Variants in NDUFV3 observed in about 807,000 individuals in gnomAD.
The protein encoded by NDUFV3 is NADH dehydrogenase [ubiquinone] flavoprotein 3, mitochondrial.
In NDUFV3, 44 loss-of-function variants were observed where a neutral mutation model predicts 37.5. The ratio of observed to expected loss-of-function variants is 1.17; its 90% CI spans 0.92 to 1.51. NDUFV3 has a LOEUF of 1.51. Ranked by LOEUF, NDUFV3 falls within the 40% of genes most tolerant of loss-of-function variation. The pLI, the probability that NDUFV3 is intolerant of heterozygous loss-of-function variation, is 0.00. For synonymous variants in NDUFV3, 235 were observed against 239.3 expected (o/e 0.98, Z 0.17); for missense variants, 580 against 580.4 (o/e 1.00, Z 0.01).
At chr21:42,894,464 A>AATATATAT (rs538687479) in intron 1 of NDUFV3, among the ~76,000 whole-genome samples, 2 of 50,234 alleles carry the variant, frequency 4.0e-5, no homozygotes, top group African/African-American at 2.8e-4. Flanking sequence ...ATGTTTATAT[A>AATATATAT]AATATATATT....
rs764450465 is a variant in NDUFV3 at position 42,908,942 on chromosome 21, CCTT to C, written c.1347_1349del (p.Phe449del). The C allele has an allele frequency of 8.7e-6, 14 of 1,613,914 alleles. No individual in the cohort carries two copies. Among genetic ancestry groups the C allele is most frequent in the Non-Finnish European group, 1.2e-5 (14 of 1,179,992 alleles). On this transcript the variant is annotated inframe_deletion, in exon 4 of 4. Transcript: ENST00000354250. The stretch of plus-strand genomic sequence containing the variant: ...CAGCATCATGACTACAGCACGTACA[CCTT>C]CTTAGACCTCAACCTCGAACTCTCA...
At chr21:42,907,977 T>G (rs2058749259) in intron 3 of NDUFV3, among the ~76,000 whole-genome samples, 1 of 152,094 alleles carries the variant, frequency 6.6e-6, no homozygotes, top group African/African-American at 2.4e-5. Flanking sequence ...TTTCAAACTT[T>G]TGAGAAGCCT....
Position 42,904,069 on chromosome 21 carries a change from G to T in NDUFV3, c.1057G>T (p.Glu353Ter). Residue 353 changes from glutamate (E) to a stop codon, truncating the protein, a stop_gained, in exon 3 of 4, where the codon GAA becomes TAA. Transcript: ENST00000354250. LOFTEE classifies it high-confidence loss of function. Reference sequence around the variant, plus strand: ...GGCGGCCCCTCCCCTGCCCAGAAAGGAAACCTCAGGGACGCAGGGAATAGA... The same window carrying T: ...GGCGGCCCCTCCCCTGCCCAGAAAGTAAACCTCAGGGACGCAGGGAATAGA... ...RKAAPPLPRK[E>*]TSGTQGIEGH... 1 of 1,614,234 alleles carries T rather than the reference G, an allele frequency of 6.2e-7. No individual in the cohort carries two copies.
At chr21:42,898,373 C>A (rs897800509) in intron 2 of NDUFV3, among the ~76,000 whole-genome samples, 1 of 152,192 alleles carries the variant, frequency 6.6e-6, no homozygotes, top group Admixed American at 6.5e-5. Context: ...GCCTCAAACT[C>A]CTGAGCTCAA....
intron 1 of NDUFV3, among the ~76,000 whole-genome samples, chr21:42,894,395 T>A (rs12626514): frequency 2.9e-5 from 1 of 34,704 alleles, no homozygotes; most frequent in African/African-American, 3.7e-4. Flanking sequence ...AAATATATAT[T>A]ATATATTTAT....
chr21:42,897,595 A>G (rs557494347), intron 2 of NDUFV3, among the ~76,000 whole-genome samples: 4 of 152,134 alleles, frequency 2.6e-5, no homozygotes, highest in Non-Finnish European at 4.4e-5. Flanking sequence ...GGATGGTCTC[A>G]ATCTCCTGAC....
Position 42,909,132 on chromosome 21 carries a change from T to A in NDUFV3, c.*111T>A. ...CCGCTGTGCATAATCGGTTTCACTT[T>A]TACCTTTTTTTTTTTTTTTTTTTTT... is the stretch of plus-strand genomic sequence containing the variant. On this transcript the variant is annotated 3_prime_UTR_variant, in exon 4 of 4. Transcript: ENST00000354250. 1 of 1,094,514 alleles carries A rather than the reference T, an allele frequency of 9.1e-7. No homozygotes were observed. The highest frequency in any genetic ancestry group is 1.3e-6 in the Non-Finnish European group (1 of 766,614). The allele number at this position is 1,094,514 out of a possible 1,614,324, so 67.8% of individuals were successfully genotyped here. A position where few individuals can be genotyped will look rare whatever the true frequency, so the allele number is the denominator to read the frequency against.
chr21:42,896,902 C>T lies in NDUFV3; in HGVS notation c.49-25C>T, dbSNP rs200437024. On this transcript the variant is annotated intron_variant, in intron 1 of 3. Coordinates refer to ENST00000354250, the MANE Select transcript of NDUFV3 (RefSeq NM_021075.4). ...ATTATAATGGCATTACTCTAAACATCCATATTCATTAATTCTTTTGTCAGA... is the reference window on the plus strand; with the variant it reads ...ATTATAATGGCATTACTCTAAACATTCATATTCATTAATTCTTTTGTCAGA... The T allele has an allele frequency of 2.2e-3, 3,454 of 1,604,132 alleles. 7 individuals carry two copies. The highest frequency in any genetic ancestry group is 2.6e-3 in the Non-Finnish European group (3,035 of 1,171,532).
chr21:42,899,689 C>T (rs1391727728), intron 2 of NDUFV3, among the ~76,000 whole-genome samples: 4 of 152,164 alleles, frequency 2.6e-5, no homozygotes, highest in Non-Finnish European at 2.9e-5. Flanking sequence ...GTGATCCGTC[C>T]GCCTTGGCCT....
intron 2 of NDUFV3, among the ~76,000 whole-genome samples, chr21:42,899,932 T>A (rs1457618851): frequency 6.6e-6 from 1 of 152,190 alleles, no homozygotes; most frequent in East Asian, 1.9e-4. Context: ...GCGTGGGGGT[T>A]CACGCCTATA....
In NDUFV3 at chr21:42,896,450, C is replaced by CT. The variant is rs200176622; in HGVS notation, c.49-469dup. Among the ~76,000 whole-genome samples the CT allele has an allele frequency of 3.0e-4, 45 of 151,638 alleles. No individual in the cohort carries two copies. In the East Asian group the frequency reaches 4.5e-3, roughly 15 times the overall value. On this transcript the variant is annotated intron_variant, in intron 1 of 3. Coordinates refer to ENST00000354250, the MANE Select transcript of NDUFV3 (RefSeq NM_021075.4). ...GGATTACAGTCGCACCGCGCCCGGCCTTTTTTTTGTATTTTTAGTAGAGAC... is the reference window on the plus strand; with the variant it reads ...GGATTACAGTCGCACCGCGCCCGGCCTTTTTTTTTGTATTTTTAGTAGAGAC...
chr21:42,899,277 G>GTTTTTTTTTTTTTTT lies in NDUFV3; in HGVS notation c.169+2239_169+2240insTTTTTTTTTTTTTTT, dbSNP rs370812043. On this transcript the variant is annotated intron_variant, in intron 2 of 3. Coordinates refer to ENST00000354250, the MANE Select transcript of NDUFV3 (RefSeq NM_021075.4). ...TCAATACACAGAACAGTTGTATCTT[G>GTTTTTTTTTTTTTTT]TTTTTTTTTGAGACAGAGTTTTGCT... Among the ~76,000 whole-genome samples the GTTTTTTTTTTTTTTT allele has an allele frequency of 2.6e-3, 361 of 141,088 alleles. 6 individuals are homozygous for GTTTTTTTTTTTTTTT. Among genetic ancestry groups the GTTTTTTTTTTTTTTT allele is most frequent in the African/African-American group, 8.1e-3 (305 of 37,630 alleles). The allele number at this position is 141,088 out of a possible 152,430, so 92.6% of individuals were successfully genotyped here. A position where few individuals can be genotyped will look rare whatever the true frequency, so the allele number is the denominator to read the frequency against.
At chr21:42,899,911 G>A (rs754870212) in intron 2 of NDUFV3, among the ~76,000 whole-genome samples, 1 of 152,176 alleles carries the variant, frequency 6.6e-6, no homozygotes, top group Non-Finnish European at 1.5e-5. Flanking sequence ...AAGAATTCCT[G>A]TACAGGCTGG....
At chr21:42,897,496 C>T (rs1026491761) in intron 2 of NDUFV3, among the ~76,000 whole-genome samples, 5 of 152,136 alleles carry the variant, frequency 3.3e-5, no homozygotes, top group African/African-American at 1.2e-4. Context: ...AATCCCAGTC[C>T]AGGACTAGCT....
Position 42,903,738 on chromosome 21 carries a change from T to C in NDUFV3, c.726T>C (p.Asn242=). 1.2e-6 allele frequency: 2 copies of C among 1,613,972 alleles called. No homozygotes were observed. The highest frequency in any genetic ancestry group is 1.7e-6 in the Non-Finnish European group (2 of 1,179,998). Reference sequence around the variant, plus strand: ...CTAAGCCATCAGAAGGCAGGGAAAATGCGAGACCAAAAACCACAATGCCCA... The same window carrying C: ...CTAAGCCATCAGAAGGCAGGGAAAACGCGAGACCAAAAACCACAATGCCCA... ...SPAKPSEGRE[N]ARPKTTMPRS... Residue 242 remains asparagine (N), a synonymous_variant, in exon 3 of 4, where the codon AAT becomes AAC. Coordinates refer to ENST00000354250, the MANE Select transcript of NDUFV3 (RefSeq NM_021075.4).
chr21:42,893,432 G>T, intron 1 of NDUFV3, 51 bp downstream of exon 1: 4 of 1,530,604 alleles, frequency 2.6e-6, no homozygotes, highest in South Asian at 1.2e-5. Flanking sequence ...GCCTACGTAG[G>T]GGATGGGGTG....
At chr21:42,902,388 G>GAT (rs1202258007) in intron 2 of NDUFV3, among the ~76,000 whole-genome samples, 2 of 152,138 alleles carry the variant, frequency 1.3e-5, no homozygotes, top group Non-Finnish European at 2.9e-5. Context: ...TTAGTTTTGT[G>GAT]ATATTTTGAC....
chr21:42,907,768 CTT>C (rs1225331816), intron 3 of NDUFV3, among the ~76,000 whole-genome samples: 7 of 151,766 alleles, frequency 4.6e-5, no homozygotes. Flanking sequence ...ATTTTTTATT[CTT>C]TGTAGAGACA....
rs774877911 is a variant in NDUFV3 at position 42,893,398 on chromosome 21, C to T, written c.48+17C>T. 5 of 1,535,928 alleles carry T rather than the reference C, an allele frequency of 3.3e-6. No homozygotes were observed. The highest frequency in any genetic ancestry group is 1.2e-5 in the South Asian group (1 of 83,966). On this transcript the variant is annotated intron_variant, in intron 1 of 3. Transcript: ENST00000354250. ...GCGCTGAAGGTAAAGGAGGAGCCAG[C>T]CTGGGCTGGCTGCGCGGCCCCGAGC...
Sources: gnomAD v4.1 joint callset for allele counts (sites outside exome capture counted in the v4.1 genomes callset) on GRCh38, gnomAD v4.1.1 for gene constraint, MANE v1.5 for transcripts, NCBI Gene and HGNC (gene_info 2026-07-23, HGNC 2026-07-21) for gene names.